Variants in WNK1 observed in about 807,000 individuals in gnomAD.
WNK1 encodes the protein WNK lysine deficient protein kinase 1.
In WNK1, 38 loss-of-function variants were observed where a neutral mutation model predicts 222.8. That is an observed-to-expected ratio of 0.17 (90% confidence interval 0.13 to 0.22). The LOEUF (loss-of-function observed/expected upper bound fraction) is 0.22. Ranked by LOEUF, WNK1 falls within the 10% of genes least tolerant of loss-of-function variation. The pLI, the probability that WNK1 is intolerant of heterozygous loss-of-function variation, is 1.00. For missense variants in WNK1, 2,348 were observed against 2,918.4 expected (o/e 0.80, Z 4.50); for synonymous variants, 1,090 against 1,092.9 (o/e 1.00, Z 0.05).
intron 8 of WNK1, 92 bp from the exon 9 acceptor site, chr12:871,173 C>G: frequency 2.5e-6 from 3 of 1,210,632 alleles, no homozygotes; most frequent in Non-Finnish European, 3.7e-6. Context: ...CAAGCAAACT[C>G]TGAGGAGATT....
chr12:865,415 A>G (rs964543724), intron 8 of WNK1: 18 of 1,498,076 alleles, frequency 1.2e-5, no homozygotes, highest in Non-Finnish European at 1.6e-5. Context: ...CAATGAATAC[A>G]TCCAGGCAAC....
At chr12:819,499 C>T (rs1947661506) in intron 2 of WNK1, among the ~76,000 whole-genome samples, 1 of 152,120 alleles carries the variant, frequency 6.6e-6, no homozygotes, top group Admixed American at 6.6e-5. Context: ...TTCAGATTTT[C>T]TATTGGAGCA....
At chr12:906,851 A>G (rs1565621571) in intron 26 of WNK1, 1 of 637,546 alleles carries the variant, frequency 1.6e-6, no homozygotes. Context: ...ACTAAGCAAC[A>G]TATGGAGATT....
intron 9 of WNK1, among the ~76,000 whole-genome samples, chr12:876,655 A>G (rs1399556419): frequency 6.6e-6 from 1 of 152,240 alleles, no homozygotes; most frequent in Non-Finnish European, 1.5e-5. Context: ...TCGTATGGGT[A>G]TACCAGCACA....
chr12:759,615 C>T (rs1167497147), intron 1 of WNK1, among the ~76,000 whole-genome samples: 1 of 148,128 alleles, frequency 6.8e-6, no homozygotes, highest in African/African-American at 2.4e-5. Flanking sequence ...AGGCTTGAGC[C>T]ACCATGCTCA....
chr12:803,521 G>A (rs895056397), intron 1 of WNK1, among the ~76,000 whole-genome samples: 5 of 152,140 alleles, frequency 3.3e-5, no homozygotes, highest in African/African-American at 7.2e-5. Context: ...AGTGGCTCAC[G>A]CCTGTAATCC....
At chr12:758,671 C>T (rs1002435686) in intron 1 of WNK1, among the ~76,000 whole-genome samples, 9 of 146,500 alleles carry the variant, frequency 6.1e-5, no homozygotes, top group Admixed American at 2.0e-4. Context: ...TGATTTTTTC[C>T]CTCTTATCTT....
chr12:771,232 C>G (rs934165111), intron 1 of WNK1, among the ~76,000 whole-genome samples: 1 of 151,760 alleles, frequency 6.6e-6, no homozygotes, highest in African/African-American at 2.4e-5. Flanking sequence ...CTCCTGACCT[C>G]GTGATCCGCC....
chr12:768,732 A>G (rs1942085803), intron 1 of WNK1, among the ~76,000 whole-genome samples: 1 of 152,178 alleles, frequency 6.6e-6, no homozygotes, highest in African/African-American at 2.4e-5. Context: ...TAATGAGTAA[A>G]GTTAACTTCT....
At chr12:907,711 T>C in intron 26 of WNK1, 136 bp from the exon 27 acceptor site, 1 of 1,036,442 alleles carries the variant, frequency 9.6e-7, no homozygotes, top group Admixed American at 1.8e-5. Context: ...CCTTGGAATC[T>C]TCCCTCTTGC....
At chr12:826,580 T>TA (rs1238664531) in intron 2 of WNK1, among the ~76,000 whole-genome samples, 3 of 152,240 alleles carry the variant, frequency 2.0e-5, no homozygotes, top group African/African-American at 7.2e-5. Context: ...AGTTTATAAA[T>TA]ACATCTGTGT....
At chr12:843,454 A>G (rs550783164) in intron 4 of WNK1, among the ~76,000 whole-genome samples, 1 of 152,354 alleles carries the variant, frequency 6.6e-6, no homozygotes, top group Admixed American at 6.5e-5. Context: ...TATTTTCCAA[A>G]ACAAAATTTA....
intron 1 of WNK1, among the ~76,000 whole-genome samples, chr12:789,555 G>A (rs943072572): frequency 0.016 from 455 of 29,180 alleles, 5 homozygotes; most frequent in Middle Eastern, 0.05. Flanking sequence ...TTTTTTTTTT[G>A]AGACAGAGTC....
chr12:881,353 A>G, intron 12 of WNK1: 1 of 444,834 alleles, frequency 2.2e-6, no homozygotes. Flanking sequence ...TTGCCCTGCT[A>G]GGAGAAGATC....
intron 1 of WNK1, among the ~76,000 whole-genome samples, chr12:795,717 T>G (rs1223595654): frequency 6.6e-6 from 1 of 152,194 alleles, no homozygotes; most frequent in African/African-American, 2.4e-5. Flanking sequence ...TCTTTCCATT[T>G]TATCTAGATC....
chr12:883,677 A>G (rs1256002633), intron 16 of WNK1, 97 bp from the exon 17 acceptor site: 11 of 1,598,856 alleles, frequency 6.9e-6, no homozygotes, highest in African/African-American at 1.3e-5. Flanking sequence ...CATGACCGAC[A>G]ACAAACTTTT....
chr12:811,740 C>A (rs966020593), intron 1 of WNK1, among the ~76,000 whole-genome samples: 1 of 151,840 alleles, frequency 6.6e-6, no homozygotes, highest in Non-Finnish European at 1.5e-5. Context: ...ATAGATGGAA[C>A]AAGTAGACAA....
In WNK1 at chr12:757,333, TAAAA is replaced by T. The variant is rs368419754; in HGVS notation, c.759+3017_759+3020del. Among the ~76,000 whole-genome samples, 7 of 71,488 alleles carry T rather than the reference TAAAA, an allele frequency of 9.8e-5. No homozygotes were observed. In the East Asian group the frequency reaches 2.8e-3, roughly 28 times the overall value. The allele number at this position is 71,488 out of a possible 152,430, so 46.9% of individuals were successfully genotyped here. On this transcript the variant is annotated intron_variant, in intron 1 of 27. Coordinates refer to ENST00000315939, the MANE Select transcript of WNK1 (RefSeq NM_018979.4). ...TCTTTTTTTTTTTTTTTTTTTTTTT[TAAAA>T]AAAAAAAGAGACGGAGTCTTGCTCT... is the stretch of plus-strand genomic sequence containing the variant.
At chr12:816,611 A>G (rs1319340571) in intron 2 of WNK1, among the ~76,000 whole-genome samples, 2 of 152,068 alleles carry the variant, frequency 1.3e-5, no homozygotes, top group Admixed American at 1.3e-4. Context: ...TCCATCTCAT[A>G]TGTAGATGGC....
Sources: allele counts gnomAD v4.1 joint callset (sites outside exome capture counted in the v4.1 genomes callset), GRCh38; gene constraint gnomAD v4.1.1; transcripts MANE v1.5; gene names NCBI Gene and HGNC (gene_info 2026-07-23, HGNC 2026-07-21).